Variants in GABRB2 observed in about 807,000 individuals in gnomAD.
The protein encoded by GABRB2 is gamma-aminobutyric acid type A receptor subunit beta2.
GABRB2 carries 16 observed loss-of-function variants against 54.7 expected under a neutral mutation model. The observed-to-expected ratio is 0.29, with a 90% confidence interval of 0.20 to 0.44. GABRB2 has a LOEUF of 0.44. Among genes scored for constraint, GABRB2 ranks in the 20% least tolerant of loss-of-function variants. The pLI is 1.00. For missense variants in GABRB2, 355 were observed against 644.0 expected (o/e 0.55, Z 4.86); for synonymous variants, 244 against 233.8 (o/e 1.04, Z -0.40).
chr5:161,540,020 G>A (rs963869011), intron 3 of GABRB2, among the ~76,000 whole-genome samples: 2 of 152,158 alleles, frequency 1.3e-5, no homozygotes, highest in African/African-American at 4.8e-5. Flanking sequence ...GTTGCTAAAC[G>A]CTGGCGTGGC....
chr5:161,484,984 C>A (rs1412488974), intron 3 of GABRB2, among the ~76,000 whole-genome samples: 6 of 151,946 alleles, frequency 3.9e-5, no homozygotes, highest in Admixed American at 3.9e-4. Context: ...TATTGAACGT[C>A]CTTAATTTGC....
At chr5:161,433,155 A>C (rs1248070267) in intron 4 of GABRB2, among the ~76,000 whole-genome samples, 1 of 152,148 alleles carries the variant, frequency 6.6e-6, no homozygotes, top group Non-Finnish European at 1.5e-5. Context: ...AAAAAAATCC[A>C]ATATTTCTTT....
intron 9 of GABRB2, among the ~76,000 whole-genome samples, chr5:161,319,232 A>G (rs1758136420): frequency 6.6e-6 from 1 of 150,762 alleles, no homozygotes; most frequent in Non-Finnish European, 1.5e-5. Context: ...AGAGTTTTTC[A>G]TAAGACAGGT....
chr5:161,545,112 C>T, intron 3 of GABRB2, 115 bp downstream of exon 3: 1 of 632,504 alleles, frequency 1.6e-6, no homozygotes, highest in Non-Finnish European at 2.7e-6. Context: ...CATGCTCTCA[C>T]CCCCACCTCA....
At chr5:161,468,397 C>G (rs1340364900) in intron 3 of GABRB2, among the ~76,000 whole-genome samples, 2 of 152,018 alleles carry the variant, frequency 1.3e-5, no homozygotes, top group Admixed American at 6.6e-5. Context: ...ACTTCAAGTT[C>G]CTTCAGACTT....
rs17059316 is a variant in GABRB2, at chr5:161,324,725, C to A, written c.1191+1643G>T. ...TTATTTGAACTTTCAAATACTAGAC[C>A]TTATTTCATAGTGTGAACTTAAAAG... On this transcript the variant is annotated intron_variant, in intron 9 of 9. Transcript: ENST00000393959. 5.7e-3 allele frequency among the ~76,000 whole-genome samples: 869 copies of A among 152,018 alleles called. 40 individuals carry two copies. The East Asian group carries it at 0.1, about 17-fold the overall frequency.
At chr5:161,353,918 G>T (rs1431889334) in intron 5 of GABRB2, among the ~76,000 whole-genome samples, 1 of 151,958 alleles carries the variant, frequency 6.6e-6, no homozygotes, top group South Asian at 2.1e-4. Context: ...TTTGACTGGA[G>T]CAAAACTCAA....
chr5:161,544,971 C>G (rs758116286), intron 3 of GABRB2, among the ~76,000 whole-genome samples: 1 of 152,062 alleles, frequency 6.6e-6, no homozygotes, highest in Non-Finnish European at 1.5e-5. Context: ...GTCTCCTGCA[C>G]GTGGTTGCGT....
intron 9 of GABRB2, among the ~76,000 whole-genome samples, chr5:161,308,739 C>T (rs549418068): frequency 6.6e-6 from 1 of 152,248 alleles, no homozygotes; most frequent in Admixed American, 6.5e-5. Context: ...CTTCTACAAA[C>T]CTGACAAAAA....
intron 3 of GABRB2, among the ~76,000 whole-genome samples, chr5:161,522,488 C>A (rs1760144951): frequency 6.6e-6 from 1 of 151,752 alleles, no homozygotes; most frequent in Non-Finnish European, 1.5e-5. Context: ...ACAACACAAC[C>A]ACTGCTTGTC....
At chr5:161,299,036 T>A (rs557718721) in intron 9 of GABRB2, among the ~76,000 whole-genome samples, 1 of 152,234 alleles carries the variant, frequency 6.6e-6, no homozygotes, top group Non-Finnish European at 1.5e-5. Flanking sequence ...AATAAGGCAC[T>A]CTCAGTGCAT....
intron 3 of GABRB2, among the ~76,000 whole-genome samples, chr5:161,539,004 A>G (rs1351376497): frequency 6.6e-6 from 1 of 152,202 alleles, no homozygotes; most frequent in African/African-American, 2.4e-5. Flanking sequence ...ACATCTGTTT[A>G]AAAAACAGCA....
At chr5:161,351,156 T>C (rs895179065) in intron 5 of GABRB2, among the ~76,000 whole-genome samples, 1 of 152,122 alleles carries the variant, frequency 6.6e-6, no homozygotes, top group Non-Finnish European at 1.5e-5. Flanking sequence ...GCACTCCTTA[T>C]CAAAATTCCA....
intron 4 of GABRB2, among the ~76,000 whole-genome samples, chr5:161,453,175 C>CT (rs1274387552): frequency 6.6e-6 from 1 of 152,192 alleles, no homozygotes; most frequent in Non-Finnish European, 1.5e-5. Context: ...GTTGCCACAT[C>CT]TACAGCTAAG....
chr5:161,324,876 A>G (rs1247268803), intron 9 of GABRB2, among the ~76,000 whole-genome samples: 1 of 152,106 alleles, frequency 6.6e-6, no homozygotes, highest in Non-Finnish European at 1.5e-5. Flanking sequence ...ATGATATTTT[A>G]TGAGATAGAG....
chr5:161,353,040 A>G (rs909842761), intron 5 of GABRB2, among the ~76,000 whole-genome samples: 1 of 152,074 alleles, frequency 6.6e-6, no homozygotes, highest in Non-Finnish European at 1.5e-5. Flanking sequence ...TATAGAAAAT[A>G]CCTGCAAAGC....
chr5:161,345,780 A>G (rs1312955842), intron 5 of GABRB2, among the ~76,000 whole-genome samples: 2 of 152,012 alleles, frequency 1.3e-5, no homozygotes, highest in Non-Finnish European at 2.9e-5. Flanking sequence ...GATGTGTTGG[A>G]TAGTCTTCCC....
chr5:161,504,168 A>C (rs1759532558), intron 3 of GABRB2, among the ~76,000 whole-genome samples: 1 of 152,196 alleles, frequency 6.6e-6, no homozygotes, highest in Non-Finnish European at 1.5e-5. Flanking sequence ...AAAATCAAGA[A>C]GGATATTGAA....
rs1757288925 is a variant in GABRB2, at chr5:161,435,743, T to C, written c.458+23881A>G. ...CTACAAGCACATAATTTTACATGAA[T>C]GTCAACAATTTATGTTGCAAACCTT... On this transcript the variant is annotated intron_variant, in intron 4 of 9. Transcript: ENST00000393959. Among the ~76,000 whole-genome samples the C allele has an allele frequency of 3.3e-5, 5 of 152,224 alleles. No individual in the cohort carries two copies. The South Asian group carries it at 1.0e-3, about 32-fold the overall frequency.
Sources: allele counts gnomAD v4.1 joint callset (sites outside exome capture counted in the v4.1 genomes callset), GRCh38; gene constraint gnomAD v4.1.1; transcripts MANE v1.5; gene names NCBI Gene and HGNC (gene_info 2026-07-23, HGNC 2026-07-21).